The following ARHGAP44 variants were observed in gnomAD, a reference collection of about 807,000 sequenced individuals.
ARHGAP44 encodes Rho GTPase activating protein 44, also known as rho GTPase-activating protein 44.
Under a neutral mutation model 106.8 loss-of-function variants are expected in ARHGAP44, and 43 were observed. The observed-to-expected ratio is 0.40, with a 90% CI of 0.32 to 0.52. The LOEUF is 0.52. ARHGAP44 is among the 20% of genes least tolerant of loss of function. ARHGAP44 has a pLI of 0.48. For missense variants in ARHGAP44, 866 were observed against 1,050.5 expected (o/e 0.82, Z 2.43); for synonymous variants, 439 against 410.3 (o/e 1.07, Z -0.85).
chr17:12,943,390 A>G (rs1052610208), intron 8 of ARHGAP44, among the ~76,000 whole-genome samples, 198 bp from the exon 9 acceptor site: 3 of 152,108 alleles, frequency 2.0e-5, no homozygotes, highest in African/African-American at 7.2e-5. Flanking sequence ...CTGCTTCCCA[A>G]GTTTCCACTT....
chr17:12,975,420 G>C (rs762384123), intron 18 of ARHGAP44, among the ~76,000 whole-genome samples: 2 of 152,010 alleles, frequency 1.3e-5, no homozygotes, highest in Non-Finnish European at 2.9e-5. Flanking sequence ...TGGTTGAATT[G>C]CCATTATTTT....
chr17:12,865,670 T>G (rs925390662), intron 1 of ARHGAP44, among the ~76,000 whole-genome samples: 6 of 151,646 alleles, frequency 4.0e-5, no homozygotes, highest in Non-Finnish European at 7.4e-5. Context: ...GCACCTATAG[T>G]CCCAGCTACT....
chr17:12,853,091 A>G (rs898147808), intron 1 of ARHGAP44, among the ~76,000 whole-genome samples: 1 of 152,168 alleles, frequency 6.6e-6, no homozygotes, highest in Non-Finnish European at 1.5e-5. Context: ...TCTGCAAGCT[A>G]AGGAGCAAGG....
chr17:12,943,562 G>A (rs746687565), intron 8 of ARHGAP44, 26 bp from the exon 9 acceptor site: 1 of 1,611,788 alleles, frequency 6.2e-7, no homozygotes, highest in African/African-American at 1.3e-5. Flanking sequence ...CTCACTAAGG[G>A]TGATGCTTGC....
intron 7 of ARHGAP44, among the ~76,000 whole-genome samples, chr17:12,933,518 G>A (rs1020198232): frequency 1.3e-5 from 2 of 152,172 alleles, no homozygotes; most frequent in South Asian, 4.1e-4. Flanking sequence ...ACTTCAAGAT[G>A]AGACAAGCCC....
chr17:12,944,719 G>T (rs1373356108), intron 10 of ARHGAP44, among the ~76,000 whole-genome samples: 1 of 147,552 alleles, frequency 6.8e-6, no homozygotes, highest in East Asian at 2.0e-4. Flanking sequence ...TCGATCCCTT[G>T]ACCTTGTGAT....
At chr17:12,966,394 T>G (rs2143258303) in intron 16 of ARHGAP44, among the ~76,000 whole-genome samples, 1 of 152,232 alleles carries the variant, frequency 6.6e-6, no homozygotes, top group South Asian at 2.1e-4. Flanking sequence ...TGGGACCAAG[T>G]CTGAAATGTT....
chr17:12,978,005 T>C (rs965931589), intron 18 of ARHGAP44, among the ~76,000 whole-genome samples: 2 of 113,750 alleles, frequency 1.8e-5, no homozygotes, highest in Admixed American at 1.3e-4. Flanking sequence ...GGCACTATAC[T>C]CCAGCTGGGC....
chr17:12,889,796 A>G (rs1260931313), intron 1 of ARHGAP44, among the ~76,000 whole-genome samples: 1 of 152,214 alleles, frequency 6.6e-6, no homozygotes, highest in Non-Finnish European at 1.5e-5. Flanking sequence ...GTGAAATCGA[A>G]ACAAGTAATC....
intron 1 of ARHGAP44, among the ~76,000 whole-genome samples, chr17:12,828,832 G>A (rs1045555086): frequency 1.3e-5 from 2 of 151,584 alleles, no homozygotes; most frequent in Admixed American, 6.6e-5. Flanking sequence ...TAGTGGAGAC[G>A]GGGTTTCACT....
chr17:12,888,476 A>G (rs2036946425), intron 1 of ARHGAP44, among the ~76,000 whole-genome samples: 1 of 152,090 alleles, frequency 6.6e-6, no homozygotes, highest in Non-Finnish European at 1.5e-5. Context: ...ATTCTTTCAA[A>G]TTAGTTGAGG....
chr17:12,901,514 A>C (rs1416484903), intron 3 of ARHGAP44, among the ~76,000 whole-genome samples: 1 of 152,188 alleles, frequency 6.6e-6, no homozygotes. Flanking sequence ...AGATGCAACG[A>C]GGACCTGAAG....
chr17:12,887,809 A>G (rs1027471538), intron 1 of ARHGAP44, among the ~76,000 whole-genome samples: 2 of 151,842 alleles, frequency 1.3e-5, no homozygotes, highest in African/African-American at 4.8e-5. Context: ...AAATTTTTAT[A>G]GCTATAGAGA....
intron 18 of ARHGAP44, among the ~76,000 whole-genome samples, chr17:12,974,802 G>T (rs1383467950): frequency 6.6e-6 from 1 of 151,320 alleles, no homozygotes; most frequent in Non-Finnish European, 1.5e-5. Flanking sequence ...TAAAATAGAA[G>T]AATTATAAGC....
At chr17:12,951,338 G>A (rs2038987841) in intron 12 of ARHGAP44, among the ~76,000 whole-genome samples, 1 of 152,184 alleles carries the variant, frequency 6.6e-6, no homozygotes, top group Non-Finnish European at 1.5e-5. Context: ...TTACCTGCTG[G>A]CTAATAAGTG....
intron 13 of ARHGAP44, among the ~76,000 whole-genome samples, chr17:12,954,953 T>G (rs1049298928): frequency 6.6e-6 from 1 of 152,168 alleles, no homozygotes. Flanking sequence ...ATTACTGGTG[T>G]CTCATTTTAG....
intron 16 of ARHGAP44, among the ~76,000 whole-genome samples, chr17:12,970,852 A>G (rs931687630): frequency 1.3e-5 from 2 of 152,154 alleles, no homozygotes; most frequent in African/African-American, 4.8e-5. Flanking sequence ...ATACTGAGCA[A>G]TTTTATTATT....
chr17:12,887,065 T>C lies in ARHGAP44; in HGVS notation c.54-7875T>C, dbSNP rs148578122. On this transcript the variant is annotated intron_variant, in intron 1 of 20. Transcript: ENST00000379672. ...TGATCGTGTGGTTTTTCTTCCTTAC[T>C]CTTTTAATACAGTGAGTGGATTACA... is the stretch of plus-strand genomic sequence containing the variant. Among the ~76,000 whole-genome samples, 29 of 151,948 alleles carry C rather than the reference T, an allele frequency of 1.9e-4. No homozygotes were observed. In the East Asian group the frequency reaches 5.4e-3, roughly 28 times the overall value.
intron 10 of ARHGAP44, among the ~76,000 whole-genome samples, chr17:12,948,723 T>TACAAACACACACACACACACACACACAC (rs2038917600): frequency 3.4e-5 from 1 of 29,310 alleles, no homozygotes; most frequent in African/African-American, 1.3e-4. Flanking sequence ...CCAACACACA[T>TACAAACACACACACACACACACACACAC]ACACACACAC....
Sources: gnomAD v4.1 joint callset for allele counts (sites outside exome capture counted in the v4.1 genomes callset) on GRCh38, gnomAD v4.1.1 for gene constraint, MANE v1.5 for transcripts, NCBI Gene and HGNC (gene_info 2026-07-23, HGNC 2026-07-21) for gene names.